The following RPTOR variants were observed in gnomAD, a reference collection of about 807,000 sequenced individuals.
RPTOR encodes regulatory associated protein of MTOR complex 1, also known as regulatory-associated protein of mTOR.
In RPTOR, 21 loss-of-function variants were observed where a neutral mutation model predicts 169.9. The observed-to-expected ratio is 0.12, with a 90% CI of 0.09 to 0.18. RPTOR has a LOEUF of 0.18. RPTOR is among the 10% of genes least tolerant of loss of function. RPTOR has a pLI of 1.00. For missense variants in RPTOR, 1,133 were observed against 1,855.9 expected, an observed-to-expected ratio of 0.61 and a Z score of 7.16; for synonymous variants, 732 against 753.2, an observed-to-expected ratio of 0.97 and a Z score of 0.46.
rs1261246370 is a variant in RPTOR at position 80,707,335 on chromosome 17, C to T, written c.349-506C>T. Among the ~76,000 whole-genome samples, 5 of 152,148 alleles carry T rather than the reference C, an allele frequency of 3.3e-5. No individual in the cohort carries two copies. The highest frequency in any genetic ancestry group is 1.5e-5 in the Non-Finnish European group (1 of 68,028). Reference sequence around the variant, plus strand: ...ATTACTTGTTTATCTCATTGTTGTTCCTAGTAGTTCTCAATGTTTGTTGAA... The same window carrying T: ...ATTACTTGTTTATCTCATTGTTGTTTCTAGTAGTTCTCAATGTTTGTTGAA... On this transcript the variant is annotated intron_variant, in intron 3 of 33. Transcript: ENST00000306801. This position sits in a 1 kb window ranked among gnomAD's most constrained non-coding sequence, Gnocchi z 5.0.
At chr17:80,885,274 A>AGCAGAT in intron 17 of RPTOR, 126 bp downstream of exon 17, 1 of 1,126,230 alleles carries the variant, frequency 8.9e-7, no homozygotes, top group Non-Finnish European at 1.2e-6. Flanking sequence ...TCATTGCGAG[A>AGCAGAT]GCAGATCTTT....
At chr17:80,606,810 A>G (rs949908860) in intron 1 of RPTOR, among the ~76,000 whole-genome samples, 4 of 149,250 alleles carry the variant, frequency 2.7e-5, no homozygotes, top group African/African-American at 9.8e-5. Context: ...TCCATCCATT[A>G]AAGTTCTTTT....
chr17:80,745,173 A>C (rs75523610), intron 5 of RPTOR, among the ~76,000 whole-genome samples: 9,105 of 152,332 alleles, frequency 0.06, 914 homozygotes, highest in African/African-American at 0.21. Context: ...ACTGTGAGAG[A>C]AATTAGTGTA....
chr17:80,556,598 G>C (rs1367585488), intron 1 of RPTOR, among the ~76,000 whole-genome samples: 1 of 152,152 alleles, frequency 6.6e-6, no homozygotes, highest in East Asian at 1.9e-4. Flanking sequence ...GGATCCTACT[G>C]ATTTGAAGAA....
chr17:80,809,592 ATTC>A (rs1027911569), intron 7 of RPTOR, among the ~76,000 whole-genome samples: 2 of 152,222 alleles, frequency 1.3e-5, no homozygotes, highest in African/African-American at 4.8e-5. Flanking sequence ...ATTAATTTAT[ATTC>A]TTTAATAAAA....
At chr17:80,813,341 C>T (rs1329774022) in intron 7 of RPTOR, among the ~76,000 whole-genome samples, 4 of 152,220 alleles carry the variant, frequency 2.6e-5, no homozygotes, top group East Asian at 1.9e-4. Flanking sequence ...ACTGGTTTCA[C>T]GAAAAGTTAT....
intron 17 of RPTOR, among the ~76,000 whole-genome samples, chr17:80,890,637 G>A (rs1403929813): frequency 6.6e-6 from 1 of 152,266 alleles, no homozygotes; most frequent in African/African-American, 2.4e-5. Flanking sequence ...AGGCTGAAGG[G>A]AAAGTAGACG....
intron 1 of RPTOR, among the ~76,000 whole-genome samples, chr17:80,559,745 A>G (rs968707058): frequency 2.0e-4 from 30 of 152,196 alleles, no homozygotes; most frequent in Non-Finnish European, 8.8e-5. Context: ...CTACCCAGCC[A>G]TGGGAAACCA....
chr17:80,868,487 A>G (rs1468152902), intron 13 of RPTOR, among the ~76,000 whole-genome samples: 4 of 152,242 alleles, frequency 2.6e-5, no homozygotes. Flanking sequence ...AAGTGTCGGC[A>G]AGGCCGTGGA....
chr17:80,691,351 G>A (rs1051030612), intron 3 of RPTOR, among the ~76,000 whole-genome samples: 8 of 151,900 alleles, frequency 5.3e-5, no homozygotes, highest in African/African-American at 1.9e-4. Context: ...TGTGGTGTGT[G>A]TGGCCACCCT....
chr17:80,691,975 A>G (rs1006522131), intron 3 of RPTOR, among the ~76,000 whole-genome samples: 1 of 152,168 alleles, frequency 6.6e-6, no homozygotes, highest in African/African-American at 2.4e-5. Context: ...CCTGCACCAC[A>G]CCTGGCAGTT....
At chr17:80,951,608 G>C (rs1486069575) in intron 28 of RPTOR, among the ~76,000 whole-genome samples, 1 of 152,272 alleles carries the variant, frequency 6.6e-6, no homozygotes, top group Non-Finnish European at 1.5e-5. Context: ...GTGGGCAGCA[G>C]GCGGGTGTGT....
At chr17:80,894,029 C>T (rs945109970) in intron 20 of RPTOR, among the ~76,000 whole-genome samples, 164 bp downstream of exon 20, 1 of 152,172 alleles carries the variant, frequency 6.6e-6, no homozygotes, top group African/African-American at 2.4e-5. Flanking sequence ...GAACGTTTTG[C>T]TGGGGCAAGC....
chr17:80,632,061 C>A (rs1334452544), intron 2 of RPTOR, among the ~76,000 whole-genome samples: 1 of 152,190 alleles, frequency 6.6e-6, no homozygotes, highest in Admixed American at 6.5e-5. Context: ...AGTTCCCTCA[C>A]CCCTTCCAGG....
chr17:80,630,971 G>A (rs1417305626), intron 2 of RPTOR, among the ~76,000 whole-genome samples: 1 of 152,190 alleles, frequency 6.6e-6, no homozygotes, highest in Non-Finnish European at 1.5e-5. Context: ...TCTGGGCCTT[G>A]GGCGTAGTGC....
At chr17:80,953,081 T>C (rs1363463954) in intron 28 of RPTOR, among the ~76,000 whole-genome samples, 1 of 152,022 alleles carries the variant, frequency 6.6e-6, no homozygotes, top group Non-Finnish European at 1.5e-5. Flanking sequence ...GCCAGGATGG[T>C]CTCGATCTCC....
At chr17:80,759,763 T>C (rs1598285902) in intron 6 of RPTOR, among the ~76,000 whole-genome samples, 1 of 152,210 alleles carries the variant, frequency 6.6e-6, no homozygotes, top group Non-Finnish European at 1.5e-5. Context: ...TTTTTTCATT[T>C]TGAAAAGTCA....
At position 80,746,911 on chromosome 17, in the gene RPTOR, A is replaced by T. The variant is rs2066581292; in HGVS notation, c.655-7099A>T. On this transcript the variant is annotated intron_variant, in intron 5 of 33. Coordinates refer to ENST00000306801, the MANE Select transcript of RPTOR (RefSeq NM_020761.3). The surrounding 1 kb of genome is among the most constrained non-coding windows in gnomAD (Gnocchi z 4.5). ...AGAACCCTTTGGCTTGAATGTCAGG[A>T]TGTTTTTTAAAAATGCTAGGTTCTG... Among the ~76,000 whole-genome samples, 1 of 126,454 alleles carries T rather than the reference A, an allele frequency of 7.9e-6. No homozygotes were observed. 83.0% of individuals were successfully genotyped at this position (126,454 alleles called of 152,430 possible). A position where few individuals can be genotyped will look rare whatever the true frequency, so the allele number is the denominator to read the frequency against.
chr17:80,763,073 C>T (rs1356332345), intron 6 of RPTOR, among the ~76,000 whole-genome samples: 1 of 152,106 alleles, frequency 6.6e-6, no homozygotes, highest in Non-Finnish European at 1.5e-5. Flanking sequence ...CAGCACGACC[C>T]TGTCTCTACT....
Sources: gnomAD v4.1 joint callset for allele counts (sites outside exome capture counted in the v4.1 genomes callset) on GRCh38, gnomAD v4.1.1 for gene constraint, Gnocchi (gnomAD v3.1) non-coding constraint, MANE v1.5 for transcripts, NCBI Gene and HGNC (gene_info 2026-07-23, HGNC 2026-07-21) for gene names.